Variants in AGAP1 observed in about 807,000 individuals in gnomAD.
AGAP1 encodes ArfGAP with GTPase domain, ankyrin repeat and PH domain 1.
In AGAP1, 29 loss-of-function variants were observed where a neutral mutation model predicts 105.3. That is an observed-to-expected ratio of 0.28 (90% CI 0.21 to 0.38). AGAP1 has a LOEUF of 0.38. AGAP1 is among the 10% of genes least tolerant of loss of function. The probability of loss-of-function intolerance (pLI) is 1.00; values close to 1 mark genes in which losing one functional copy is unlikely to be tolerated. For missense variants in AGAP1, 998 were observed against 1,165.1 expected (o/e 0.86, Z 2.09); for synonymous variants, 509 against 485.9 (o/e 1.05, Z -0.63).
At position 235,872,314 on chromosome 2, in the gene AGAP1, G is replaced by A. The variant is rs551320316; in HGVS notation, c.1051-11031G>A. Among the ~76,000 whole-genome samples the A allele has an allele frequency of 6.6e-5, 10 of 152,278 alleles. No homozygotes were observed. Among genetic ancestry groups the A allele is most frequent in the Admixed American group, 2.0e-4 (3 of 15,304 alleles). ...AAGCCACATAGGAGTCAAAGAAAGC[G>A]TTAACTGTAATTGATGTCTTCACTG... On this transcript the variant is annotated intron_variant, in intron 9 of 17. Coordinates refer to ENST00000304032, the MANE Select transcript of AGAP1 (RefSeq NM_001037131.3). This position sits in a 1 kb window ranked among gnomAD's most constrained non-coding sequence, Gnocchi z 4.5.
At chr2:236,118,181 A>C (rs2059816176) in intron 16 of AGAP1, among the ~76,000 whole-genome samples, 1 of 152,118 alleles carries the variant, frequency 6.6e-6, no homozygotes, top group Admixed American at 6.6e-5. Context: ...CGGAAGCAGA[A>C]ATGTCATGGG....
rs1469337937 is a variant in AGAP1 at position 236,036,249 on chromosome 2, C to G, written c.1646-312C>G. Among the ~76,000 whole-genome samples, 1 of 152,204 alleles carries G rather than the reference C, an allele frequency of 6.6e-6. No homozygotes were observed. Among genetic ancestry groups the G allele is most frequent in the Non-Finnish European group, 1.5e-5 (1 of 68,034 alleles). Reference sequence around the variant, plus strand: ...GATAAGGATGGTCAGCCATGAGTTACATGGTTATTCTCCTAAGTTGCTTTG... The same window carrying G: ...GATAAGGATGGTCAGCCATGAGTTAGATGGTTATTCTCCTAAGTTGCTTTG... On this transcript the variant is annotated intron_variant, in intron 13 of 17. Coordinates refer to ENST00000304032, the MANE Select transcript of AGAP1 (RefSeq NM_001037131.3). The surrounding 1 kb of genome is among the most constrained non-coding windows in gnomAD (Gnocchi z 5.7).
intron 2 of AGAP1, among the ~76,000 whole-genome samples, chr2:235,709,476 G>T (rs924145258): frequency 6.6e-6 from 1 of 152,098 alleles, no homozygotes; most frequent in African/African-American, 2.4e-5. Context: ...GGTGTCTCAT[G>T]TGCAGGGCAG....
rs1261097622 is a variant in AGAP1 at position 235,615,003 on chromosome 2, T to A, written c.164-94176T>A. ...TGTGGTGCGCTCAAATAAAGGAGGCTGTTCAAGGTGAGTGGTTTTCCTGGC... is the reference window on the plus strand; with the variant it reads ...TGTGGTGCGCTCAAATAAAGGAGGCAGTTCAAGGTGAGTGGTTTTCCTGGC... On this transcript the variant is annotated intron_variant, in intron 1 of 17. Transcript: ENST00000304032. This position sits in a 1 kb window ranked among gnomAD's most constrained non-coding sequence, Gnocchi z 5.0. Among the ~76,000 whole-genome samples the A allele has an allele frequency of 6.6e-6, 1 of 152,224 alleles. No homozygotes were observed. The highest frequency in any genetic ancestry group is 1.5e-5 in the Non-Finnish European group (1 of 68,044).
chr2:235,741,761 ATTT>A lies in AGAP1; in HGVS notation c.396+723_396+725del, dbSNP rs373237927. On this transcript the variant is annotated intron_variant, in intron 4 of 17. Transcript: ENST00000304032. The surrounding 1 kb of genome is among the most constrained non-coding windows in gnomAD (Gnocchi z 4.9). The stretch of plus-strand genomic sequence containing the variant: ...TATTGTTATTTTTTATTATTTATTT[ATTT>A]TTTTTTTTTGAGACAGTCTCGCTCT... Among the ~76,000 whole-genome samples the A allele has an allele frequency of 7.0e-4, 99 of 141,852 alleles. No individual in the cohort carries two copies. The highest frequency in any genetic ancestry group is 2.0e-3 in the African/African-American group (77 of 39,056). 93.1% of individuals were successfully genotyped at this position (141,852 alleles called of 152,430 possible).
In AGAP1 at chr2:236,089,556, A is replaced by G. The variant is rs2059009452; in HGVS notation, c.2115-30636A>G. The stretch of plus-strand genomic sequence containing the variant: ...CAAAGTCTGGAACGAATCTGGTTCC[A>G]TATAGAGTTCATGCTCACCCCGAAG... On this transcript the variant is annotated intron_variant, in intron 16 of 17. Transcript: ENST00000304032. This position sits in a 1 kb window ranked among gnomAD's most constrained non-coding sequence, Gnocchi z 5.6. Among the ~76,000 whole-genome samples, 1 of 152,268 alleles carries G rather than the reference A, an allele frequency of 6.6e-6. No homozygotes were observed. The highest frequency in any genetic ancestry group is 1.5e-5 in the Non-Finnish European group (1 of 68,044).
chr2:235,828,810 C>T (rs374822150), intron 9 of AGAP1, among the ~76,000 whole-genome samples: 21 of 152,270 alleles, frequency 1.4e-4, no homozygotes, highest in African/African-American at 4.3e-4. Flanking sequence ...CTAAACCACA[C>T]GAAGATAATG....
rs2149903404 is a variant in AGAP1, at chr2:235,777,917, T to C, written c.674-19842T>C. Among the ~76,000 whole-genome samples, 1 of 152,316 alleles carries C rather than the reference T, an allele frequency of 6.6e-6. No individual in the cohort carries two copies. The highest frequency in any genetic ancestry group is 2.4e-5 in the African/African-American group (1 of 41,568). On this transcript the variant is annotated intron_variant, in intron 6 of 17. Coordinates refer to ENST00000304032, the MANE Select transcript of AGAP1 (RefSeq NM_001037131.3). The surrounding 1 kb of genome is among the most constrained non-coding windows in gnomAD (Gnocchi z 5.1). ...ATTTTCTGTACCTTTGAAATGTTTG[T>C]AGTGGTTGGAAGGAGGGGACTTCCT...
Position 236,128,937 on chromosome 2 carries a change from A to G in AGAP1, c.*4815A>G, listed in dbSNP as rs1415763081. 3.3e-5 allele frequency: 5 copies of G among 152,324 alleles called. No homozygotes were observed. In the South Asian group the frequency reaches 8.3e-4, roughly 25 times the overall value. 9.4% of individuals were successfully genotyped at this position (152,324 alleles called of 1,614,324 possible). ...ATGGCCTTCAAGCAAACAAATTGAA[A>G]AGCAGTCAAGGAGGAGTTCAGATAG... is the stretch of plus-strand genomic sequence containing the variant. On this transcript the variant is annotated 3_prime_UTR_variant, in exon 18 of 18. Coordinates refer to ENST00000304032, the MANE Select transcript of AGAP1 (RefSeq NM_001037131.3). This position sits in a 1 kb window ranked among gnomAD's most constrained non-coding sequence, Gnocchi z 5.9.
chr2:235,715,961 T>C (rs965293592), intron 2 of AGAP1, among the ~76,000 whole-genome samples: 1 of 151,968 alleles, frequency 6.6e-6, no homozygotes, highest in Non-Finnish European at 1.5e-5. Context: ...GAATACCGCA[T>C]AGGTGGCGTA....
intron 1 of AGAP1, among the ~76,000 whole-genome samples, chr2:235,576,493 G>C (rs567078343): frequency 6.6e-6 from 1 of 152,308 alleles, no homozygotes; most frequent in South Asian, 2.1e-4. Flanking sequence ...TCTCCTCTCC[G>C]TGTGCTGGAA....
At position 236,114,817 on chromosome 2, in the gene AGAP1, G is replaced by A. The variant is rs564648377; in HGVS notation, c.2115-5375G>A. 2.0e-5 allele frequency among the ~76,000 whole-genome samples: 3 copies of A among 152,146 alleles called. No homozygotes were observed. Among genetic ancestry groups the A allele is most frequent in the Non-Finnish European group, 4.4e-5 (3 of 68,028 alleles). ...TCAGCATGTGAATTTTATGGGATAC[G>A]ACTCAGCCTCTAACATCCAAGAAGC... On this transcript the variant is annotated intron_variant, in intron 16 of 17. Coordinates refer to ENST00000304032, the MANE Select transcript of AGAP1 (RefSeq NM_001037131.3). The surrounding 1 kb of genome is among the most constrained non-coding windows in gnomAD (Gnocchi z 5.0).
At chr2:235,508,652 G>A (rs1185080139) in intron 1 of AGAP1, among the ~76,000 whole-genome samples, 1 of 152,112 alleles carries the variant, frequency 6.6e-6, no homozygotes, top group Non-Finnish European at 1.5e-5. Flanking sequence ...ATTTCCAAAC[G>A]GCATGCCTTT....
intron 1 of AGAP1, among the ~76,000 whole-genome samples, chr2:235,515,692 A>G (rs2316434): frequency 0.89 from 135,119 of 152,288 alleles, 60,272 homozygotes; most frequent in East Asian, 0.99. Flanking sequence ...GAGAGATTGT[A>G]ATGTGTTCAT....
rs1576046213 is a variant in AGAP1, at chr2:236,009,636, A to G, written c.1646-26925A>G. On this transcript the variant is annotated intron_variant, in intron 13 of 17. Transcript: ENST00000304032. This position sits in a 1 kb window ranked among gnomAD's most constrained non-coding sequence, Gnocchi z 4.2. ...TATTTGTTTCATTCAAAGACAAGAC[A>G]TTGTTAGAAATGAGTGGCACACCTC... Among the ~76,000 whole-genome samples, 1 of 152,186 alleles carries G rather than the reference A, an allele frequency of 6.6e-6. No individual in the cohort carries two copies. Among genetic ancestry groups the G allele is most frequent in the South Asian group, 2.1e-4 (1 of 4,820 alleles).
intron 3 of AGAP1, among the ~76,000 whole-genome samples, chr2:235,726,961 T>C (rs1951678658): frequency 6.6e-6 from 1 of 152,230 alleles, no homozygotes; most frequent in Non-Finnish European, 1.5e-5. Context: ...GTGGGCATCA[T>C]GCCCAGCAAG....
At chr2:235,863,237 C>T (rs1453401100) in intron 9 of AGAP1, among the ~76,000 whole-genome samples, 1 of 152,180 alleles carries the variant, frequency 6.6e-6, no homozygotes, top group Non-Finnish European at 1.5e-5. Flanking sequence ...GTCTGGGAAG[C>T]CCTGTCAAAT....
rs2059963964 is a variant in AGAP1, at chr2:236,124,047, C to T, written c.2499C>T (p.Leu833=). Residue 833 remains leucine (L), a synonymous_variant, in exon 18 of 18, where the codon CTC becomes CTT. Coordinates refer to ENST00000304032, the MANE Select transcript of AGAP1 (RefSeq NM_001037131.3). The surrounding 1 kb of genome is among the most constrained non-coding windows in gnomAD (Gnocchi z 5.1). ...QYGCPDERFV[L]MATPNLSRRN... Reference sequence around the variant, plus strand: ...GCTGCCCCGACGAGCGCTTCGTGCTCATGGCCACCCCTAACCTGTCCAGGA... The same window carrying T: ...GCTGCCCCGACGAGCGCTTCGTGCTTATGGCCACCCCTAACCTGTCCAGGA... 2 of 1,614,016 alleles carry T rather than the reference C, an allele frequency of 1.2e-6. No homozygotes were observed. The highest frequency in any genetic ancestry group is 1.7e-6 in the Non-Finnish European group (2 of 1,180,008).
chr2:235,885,887 G>C (rs893353668), intron 10 of AGAP1, among the ~76,000 whole-genome samples: 3 of 152,202 alleles, frequency 2.0e-5, no homozygotes, highest in African/African-American at 7.2e-5. Flanking sequence ...TTGCAGTAAG[G>C]AAATTCCTTT....
Sources: allele counts gnomAD v4.1 joint callset (sites outside exome capture counted in the v4.1 genomes callset), GRCh38; gene constraint gnomAD v4.1.1; non-coding constraint Gnocchi (gnomAD v3.1); transcripts MANE v1.5; gene names NCBI Gene and HGNC (gene_info 2026-07-23, HGNC 2026-07-21).